Variants in GSN observed in about 807,000 individuals in gnomAD.
GSN encodes the protein actin-depolymerizing factor.
A neutral mutation model predicts 85.7 loss-of-function variants in GSN; 56 were observed. That is an observed-to-expected ratio of 0.65 (90% CI 0.53 to 0.82). GSN has a LOEUF of 0.82. GSN is among the 40% of genes least tolerant of loss of function. GSN has a pLI of 0.00. For synonymous variants in GSN, 373 were observed against 399.1 expected (o/e 0.93, Z 0.78); for missense variants, 857 against 979.8 (o/e 0.87, Z 1.67).
At chr9:121,316,362 A>G (rs999328136) in intron 7 of GSN, among the ~76,000 whole-genome samples, 1 of 152,236 alleles carries the variant, frequency 6.6e-6, no homozygotes, top group African/African-American at 2.4e-5. Context: ...ACCATTAACT[A>G]AACTATAGAC....
chr9:121,326,576 T>A lies in GSN; in HGVS notation c.1481T>A (p.Ile494Asn). The A allele has an allele frequency of 6.2e-7, 1 of 1,613,790 alleles. No individual in the cohort carries two copies. The highest frequency in any genetic ancestry group is 8.5e-7 in the Non-Finnish European group (1 of 1,179,860). Residue 494 changes from isoleucine to asparagine, a missense_variant, in exon 13 of 18, where the codon ATC becomes AAC. Physicochemically the swap from Ile to Asn is moderately radical, Grantham distance 149. Coordinates refer to ENST00000432226, the MANE Select transcript of GSN (RefSeq NM_198252.3). ...LMSLFGGKPMIIYKGGTSREG... is the reference protein window; with the variant it reads ...LMSLFGGKPMNIYKGGTSREG... Reference sequence around the variant, plus strand: ...AGCCTGTTTGGTGGGAAGCCCATGATCATCTACAAGGGCGGCACCTCCCGC... The same window carrying A: ...AGCCTGTTTGGTGGGAAGCCCATGAACATCTACAAGGGCGGCACCTCCCGC...
At chr9:121,222,484 A>T (rs1018125404) in intron 4 of GSN, among the ~76,000 whole-genome samples, 4 of 152,334 alleles carry the variant, frequency 2.6e-5, no homozygotes, top group East Asian at 3.9e-4. Flanking sequence ...AATAAATTTG[A>T]TAGATGAAAA....
At chr9:121,209,729 A>G (rs1328224546) in intron 2 of GSN, among the ~76,000 whole-genome samples, 1 of 152,276 alleles carries the variant, frequency 6.6e-6, no homozygotes, top group Non-Finnish European at 1.5e-5. Flanking sequence ...ATAAACACTC[A>G]GGAAACAGAA....
At position 121,327,497 on chromosome 9, in the gene GSN, G is replaced by C. The variant is rs747136101; in HGVS notation, c.1762+15G>C. The C allele has an allele frequency of 4.5e-6, 7 of 1,549,110 alleles. No homozygotes were observed. In the East Asian group the frequency reaches 1.4e-4, roughly 32 times the overall value. On this transcript the variant is annotated intron_variant, in intron 14 of 17. Transcript: ENST00000432226. ...CAGCGAGCCAGGTAGGAGCCGGGGTGGGGGGCCTGCTGCTGTCCGGATGCA... is the reference window on the plus strand; with the variant it reads ...CAGCGAGCCAGGTAGGAGCCGGGGTCGGGGGCCTGCTGCTGTCCGGATGCA...
chr9:121,327,211 C>T lies in GSN; in HGVS notation c.1588-97C>T, dbSNP rs753491250. On this transcript the variant is annotated intron_variant, in intron 13 of 17. Coordinates refer to ENST00000432226, the MANE Select transcript of GSN (RefSeq NM_198252.3). ...TGGGCTGTGTTCCTCCAAGTCCCCACCTGAGAGCTAGTCCTGCTGCGGGGT... is the reference window on the plus strand; with the variant it reads ...TGGGCTGTGTTCCTCCAAGTCCCCATCTGAGAGCTAGTCCTGCTGCGGGGT... 8 of 1,002,118 alleles carry T rather than the reference C, an allele frequency of 8.0e-6. No homozygotes were observed. In the Admixed American group the frequency reaches 1.4e-4, roughly 17 times the overall value. 62.1% of individuals were successfully genotyped at this position (1,002,118 alleles called of 1,614,324 possible).
intron 5 of GSN, 89 bp from the exon 6 acceptor site, chr9:121,312,250 C>A: frequency 7.0e-7 from 1 of 1,423,362 alleles, no homozygotes; most frequent in Non-Finnish European, 9.9e-7. Flanking sequence ...GGTGAGCCTG[C>A]ACACCACACG....
intron 1 of GSN, among the ~76,000 whole-genome samples, chr9:121,268,770 C>T (rs990235413): frequency 1.3e-5 from 2 of 152,306 alleles, no homozygotes; most frequent in East Asian, 3.9e-4. Flanking sequence ...GGCTTCTCCC[C>T]GGCCCTGCAG....
At chr9:121,284,495 G>A (rs985601011) in intron 2 of GSN, 5 of 167,084 alleles carry the variant, frequency 3.0e-5, no homozygotes, top group Admixed American at 2.0e-4. Context: ...GGAAGTTAAC[G>A]CCCAGAGTGC....
chr9:121,243,587 G>T (rs1312079328), intron 5 of GSN, among the ~76,000 whole-genome samples: 1 of 152,074 alleles, frequency 6.6e-6, no homozygotes, highest in Non-Finnish European at 1.5e-5. Flanking sequence ...TCATTTTTGA[G>T]GGGGGTGGGA....
intron 5 of GSN, among the ~76,000 whole-genome samples, chr9:121,244,600 A>T (rs2054663855): frequency 6.6e-6 from 1 of 152,250 alleles, no homozygotes; most frequent in Non-Finnish European, 1.5e-5. Flanking sequence ...AATATGCAGT[A>T]GCAAAAATAT....
intron 4 of GSN, chr9:121,309,023 AAGCCC>A (rs2060752091): frequency 6.6e-6 from 1 of 152,212 alleles, no homozygotes; most frequent in Non-Finnish European, 1.5e-5. Flanking sequence ...GCCTGAGTGG[AAGCCC>A]TCTGCTTCCA....
At chr9:121,327,604 A>C (rs2063382329) in intron 14 of GSN, 122 bp downstream of exon 14, 2 of 767,504 alleles carry the variant, frequency 2.6e-6, no homozygotes, top group Admixed American at 2.9e-5. Context: ...CTGTCCCCTA[A>C]TGTATGTTAA....
chr9:121,280,896 T>C (rs1351118440), intron 1 of GSN: 3 of 151,396 alleles, frequency 2.0e-5, no homozygotes, highest in Non-Finnish European at 4.4e-5. Context: ...GCAAATGGGA[T>C]TTTAGGCTCA....
chr9:121,300,188 C>A, intron 2 of GSN: 2 of 1,133,476 alleles, frequency 1.8e-6, no homozygotes, highest in Non-Finnish European at 2.7e-6. Flanking sequence ...GCCTCGGGGC[C>A]CTGGCTGTTC....
intron 2 of GSN, among the ~76,000 whole-genome samples, chr9:121,296,056 C>T (rs534234623): frequency 1.4e-4 from 22 of 152,360 alleles, no homozygotes; most frequent in African/African-American, 4.1e-4. Flanking sequence ...CCCGGTGTCA[C>T]CTCCTGCCCT....
chr9:121,240,858 G>A (rs925312846), intron 5 of GSN, among the ~76,000 whole-genome samples: 1 of 152,206 alleles, frequency 6.6e-6, no homozygotes, highest in Admixed American at 6.5e-5. Flanking sequence ...GCACTTAAAG[G>A]AGCCATTTTA....
At chr9:121,301,625 CAAAAAAAAAAAA>C (rs753963979) in intron 2 of GSN, among the ~76,000 whole-genome samples, 2 of 56,002 alleles carry the variant, frequency 3.6e-5, no homozygotes, top group Non-Finnish European at 8.6e-5. Flanking sequence ...GACTCTGTCT[CAAAAAAAAAAAA>C]AAAAAAAGAA....
chr9:121,264,055 C>T (rs1224454408), upstream of GSN, among the ~76,000 whole-genome samples: 2 of 152,082 alleles, frequency 1.3e-5, no homozygotes, highest in Non-Finnish European at 2.9e-5. Flanking sequence ...GGTGGGAACA[C>T]AGAGCCAGAC....
chr9:121,228,387 G>A (rs1415396283), intron 4 of GSN, among the ~76,000 whole-genome samples: 1 of 128,038 alleles, frequency 7.8e-6, no homozygotes, highest in Non-Finnish European at 1.6e-5. Context: ...ATTAAGTATA[G>A]AATCTCATTG....
Sources: gnomAD v4.1 joint callset for allele counts (sites outside exome capture counted in the v4.1 genomes callset) on GRCh38, gnomAD v4.1.1 for gene constraint, MANE v1.5 for transcripts, NCBI Gene and HGNC (gene_info 2026-07-23, HGNC 2026-07-21) for gene names.